Variants in MCC observed in about 807,000 individuals in gnomAD.
The protein encoded by MCC is MCC regulator of Wnt signaling pathway, also known as colorectal mutant cancer protein.
In MCC, 90 loss-of-function variants were observed where a neutral mutation model predicts 116.2. The observed-to-expected ratio is 0.77, with a 90% CI of 0.65 to 0.92. The LOEUF (loss-of-function observed/expected upper bound fraction) is 0.92. MCC is among the 40% of genes least tolerant of loss of function. MCC has a pLI of 0.00. For synonymous variants in MCC, 578 were observed against 510.5 expected (o/e 1.13, Z -1.78); for missense variants, 1,516 against 1,312.2 (o/e 1.16, Z -2.40).
intron 17 of MCC, among the ~76,000 whole-genome samples, chr5:113,036,810 C>T (rs1275619084): frequency 2.0e-5 from 3 of 152,196 alleles, no homozygotes; most frequent in African/African-American, 7.2e-5. Context: ...ATCTCAATTA[C>T]TCAAGCAACA....
chr5:113,158,969 G>C (rs1270732308), intron 3 of MCC, among the ~76,000 whole-genome samples: 5 of 152,096 alleles, frequency 3.3e-5, no homozygotes, highest in Admixed American at 6.6e-5. Flanking sequence ...CGGGGGTGAG[G>C]TGTGTGCACA....
chr5:113,063,194 C>T (rs899189979), intron 14 of MCC, among the ~76,000 whole-genome samples: 2 of 152,140 alleles, frequency 1.3e-5, no homozygotes, highest in Non-Finnish European at 2.9e-5. Flanking sequence ...AAAGTGTCTT[C>T]TAAACTGAGG....
chr5:113,102,766 G>A (rs1756498585), intron 7 of MCC, among the ~76,000 whole-genome samples: 2 of 152,238 alleles, frequency 1.3e-5, no homozygotes, highest in South Asian at 2.1e-4. Flanking sequence ...AGTGGATAAT[G>A]AAACAAGAGG....
rs1462674762 is a variant in MCC at position 113,071,144 on chromosome 5, C to T, written c.1875G>A (p.Val625=). 6.2e-7 allele frequency: 1 copy of T among 1,614,006 alleles called. No individual in the cohort carries two copies. The highest frequency in any genetic ancestry group is 1.3e-5 in the African/African-American group (1 of 74,902). The change falls in exon 12 of 19, where the codon GTG becomes GTA. Residue 625 remains valine, a synonymous_variant. Coordinates refer to ENST00000408903, the MANE Select transcript of MCC (RefSeq NM_001085377.2). ...CTGTGGCATTGGATTCGTATTTTCC[C>T]ACCAGCATGCTCATCCTCTCGGCAT... ...KSNAERMSML[V]GKYESNATAL...
intron 3 of MCC, among the ~76,000 whole-genome samples, chr5:113,253,865 A>C (rs1764901190): frequency 6.6e-6 from 1 of 152,208 alleles, no homozygotes; most frequent in African/African-American, 2.4e-5. Flanking sequence ...ATTGAAGTTA[A>C]AAATTCATTA....
intron 8 of MCC, among the ~76,000 whole-genome samples, chr5:113,098,118 AGTTT>A (rs1305629231): frequency 6.6e-6 from 1 of 152,238 alleles, no homozygotes; most frequent in Non-Finnish European, 1.5e-5. Context: ...AGCGGGACAC[AGTTT>A]CATGTGCCTG....
chr5:113,377,904 A>G (rs1448611703), intron 2 of MCC, among the ~76,000 whole-genome samples: 1 of 152,184 alleles, frequency 6.6e-6, no homozygotes, highest in Non-Finnish European at 1.5e-5. Flanking sequence ...TGTAAAATAA[A>G]ACAAAACTAC....
intron 1 of MCC, among the ~76,000 whole-genome samples, chr5:113,389,181 T>G (rs1006738732): frequency 6.6e-6 from 1 of 152,246 alleles, no homozygotes; most frequent in Non-Finnish European, 1.5e-5. Flanking sequence ...TATCAAGAGC[T>G]AAGTCTGGAG....
rs553529772 is a variant in MCC at position 113,161,740 on chromosome 5, A to C, written c.628-10318T>G. On this transcript the variant is annotated intron_variant, in intron 3 of 18. Transcript: ENST00000408903. ...CACATACAGAGTATATATAAAACTC[A>C]AGGCACATGCTTCCAGACTTCTAAT... Among the ~76,000 whole-genome samples, 11 of 152,292 alleles carry C rather than the reference A, an allele frequency of 7.2e-5. No individual in the cohort carries two copies. The South Asian group carries it at 2.3e-3, about 32-fold the overall frequency.
chr5:113,349,946 T>C (rs930098478), intron 2 of MCC, among the ~76,000 whole-genome samples: 1 of 151,884 alleles, frequency 6.6e-6, no homozygotes, highest in African/African-American at 2.4e-5. Context: ...GTATAATAGT[T>C]ACAAATAAAA....
chr5:113,049,638 C>G (rs1752357402), intron 15 of MCC, among the ~76,000 whole-genome samples: 1 of 152,176 alleles, frequency 6.6e-6, no homozygotes, highest in South Asian at 2.1e-4. Context: ...TGATGGAAAC[C>G]CATTCTCTGG....
chr5:113,337,554 T>C (rs1767898682), intron 3 of MCC, among the ~76,000 whole-genome samples: 1 of 152,170 alleles, frequency 6.6e-6, no homozygotes, highest in African/African-American at 2.4e-5. Context: ...TGGCTGTTCT[T>C]CGTATGTGCT....
intron 11 of MCC, among the ~76,000 whole-genome samples, chr5:113,080,704 A>C (rs957235588): frequency 2.0e-5 from 3 of 152,040 alleles, no homozygotes; most frequent in African/African-American, 7.2e-5. Flanking sequence ...CCTAATGTAA[A>C]TGATGAGTTG....
rs532850456 is a variant in MCC, at chr5:113,030,147, G to C, written c.2757-1091C>G. Among the ~76,000 whole-genome samples the C allele has an allele frequency of 1.9e-4, 29 of 152,334 alleles. No homozygotes were observed. The South Asian group carries it at 2.1e-3, about 11-fold the overall frequency. On this transcript the variant is annotated intron_variant, in intron 17 of 18. Transcript: ENST00000408903. Reference sequence around the variant, plus strand: ...ATTTGCATGATTAATTTATAAGACAGTTGGGTAGGATCTAGCAAAATAATA... The same window carrying C: ...ATTTGCATGATTAATTTATAAGACACTTGGGTAGGATCTAGCAAAATAATA...
At chr5:113,166,053 A>C (rs546605391) in intron 3 of MCC, among the ~76,000 whole-genome samples, 108 of 152,310 alleles carry the variant, frequency 7.1e-4, no homozygotes, top group South Asian at 2.5e-3. Context: ...TGCCACAGCA[A>C]AAGAAGTGAC....
intron 6 of MCC, among the ~76,000 whole-genome samples, chr5:113,107,207 T>C (rs937542209): frequency 1.0e-5 from 1 of 100,206 alleles, no homozygotes; most frequent in African/African-American, 5.7e-5. Context: ...AGCATGTTTT[T>C]CTTTTTTTTT....
At chr5:113,473,655 T>C (rs1772155118) in intron 1 of MCC, among the ~76,000 whole-genome samples, 2 of 152,208 alleles carry the variant, frequency 1.3e-5, no homozygotes, top group African/African-American at 4.8e-5. Context: ...TCTCATAACC[T>C]TCACTTAGGA....
chr5:113,293,288 C>T (rs1766581796), intron 3 of MCC, among the ~76,000 whole-genome samples: 1 of 152,086 alleles, frequency 6.6e-6, no homozygotes, highest in Non-Finnish European at 1.5e-5. Context: ...TTCCCTTCAC[C>T]ATTGGTAGTC....
intron 3 of MCC, among the ~76,000 whole-genome samples, chr5:113,241,311 G>A (rs1764355051): frequency 6.6e-6 from 1 of 152,180 alleles, no homozygotes; most frequent in Non-Finnish European, 1.5e-5. Flanking sequence ...AAGAGACTAG[G>A]AGGGAAGATA....
Sources: gnomAD v4.1 joint callset for allele counts (sites outside exome capture counted in the v4.1 genomes callset) on GRCh38, gnomAD v4.1.1 for gene constraint, MANE v1.5 for transcripts, NCBI Gene and HGNC (gene_info 2026-07-23, HGNC 2026-07-21) for gene names.